Variants in ZNHIT6 observed in about 807,000 individuals in gnomAD.
The protein encoded by ZNHIT6 is box C/D snoRNA protein 1.
ZNHIT6 carries 45 observed loss-of-function variants against 57.2 expected under a neutral mutation model. That is an observed-to-expected ratio of 0.79 (90% CI 0.62 to 1.01). The LOEUF is 1.01. Among genes scored for constraint, ZNHIT6 ranks in the 50% least tolerant of loss-of-function variants. The probability of loss-of-function intolerance (pLI) is 0.00; values close to 1 mark genes in which losing one functional copy is unlikely to be tolerated. For synonymous variants in ZNHIT6, 188 were observed against 190.0 expected (o/e 0.99, Z 0.09); for missense variants, 528 against 567.3 (o/e 0.93, Z 0.70).
rs370448443 is a variant in ZNHIT6 at position 85,649,503 on chromosome 1, A to G, written c.*4555T>C. 2 of 152,186 alleles carry G rather than the reference A, an allele frequency of 1.3e-5. No homozygotes were observed. The highest frequency in any genetic ancestry group is 3.8e-4 in the East Asian group (2 of 5,198). The allele number at this position is 152,186 out of a possible 1,614,324, so 9.4% of individuals were successfully genotyped here. On this transcript the variant is annotated 3_prime_UTR_variant, in exon 10 of 10. Coordinates refer to ENST00000370574, the MANE Select transcript of ZNHIT6 (RefSeq NM_017953.4). ...CAGCTCATCAAATGCTAAAGGATGC[A>G]TTTGGTTCTAAAGTTCAAAATGAGT... is the stretch of plus-strand genomic sequence containing the variant.
chr1:85,678,247 T>C (rs1661762216), intron 7 of ZNHIT6, among the ~76,000 whole-genome samples: 1 of 152,186 alleles, frequency 6.6e-6, no homozygotes. Context: ...CAGGATTTCC[T>C]GTCTTTAAGT....
intron 8 of ZNHIT6, among the ~76,000 whole-genome samples, chr1:85,668,240 A>G (rs1661442425): frequency 1.3e-5 from 2 of 151,988 alleles, no homozygotes; most frequent in Non-Finnish European, 2.9e-5. Context: ...AAATTAAGTT[A>G]TTTTTGAAAA....
rs1484596380 is a variant in ZNHIT6, at chr1:85,677,259, T to G, written c.1224A>C (p.Glu408Asp). The G allele has an allele frequency of 6.2e-7, 1 of 1,608,714 alleles. No individual in the cohort carries two copies. The highest frequency in any genetic ancestry group is 8.5e-7 in the Non-Finnish European group (1 of 1,178,546). Residue 408 changes from glutamate to aspartate, a missense_variant, in exon 8 of 10, where the codon GAA (glutamate) becomes GAC (aspartate). Coordinates refer to ENST00000370574, the MANE Select transcript of ZNHIT6 (RefSeq NM_017953.4). ...QTGVQILMKI[E>D]YMQQNLVRYY... is the part of the protein sequence containing the mutation. ...ACCTTACTAAATTTTGCTGCATATA[T>G]TCAATCTTCATTAAAATCTGAACCC...
chr1:85,680,368 A>G (rs529186836), intron 6 of ZNHIT6, among the ~76,000 whole-genome samples: 151 of 152,308 alleles, frequency 9.9e-4, no homozygotes, highest in Non-Finnish European at 1.7e-3. Context: ...TAATCTTTGC[A>G]TGGTAGAATT....
At chr1:85,704,389 G>A (rs967097203) in intron 4 of ZNHIT6, among the ~76,000 whole-genome samples, 21 of 151,980 alleles carry the variant, frequency 1.4e-4, no homozygotes, top group Middle Eastern at 3.4e-3. Context: ...AAAAAAATGC[G>A]TAAACAAATT....
chr1:85,692,630 C>T (rs1240261536), intron 5 of ZNHIT6, among the ~76,000 whole-genome samples: 1 of 151,850 alleles, frequency 6.6e-6, no homozygotes, highest in African/African-American at 2.4e-5. Context: ...ACTGCTAAAC[C>T]CATCATTTCA....
intron 5 of ZNHIT6, among the ~76,000 whole-genome samples, chr1:85,698,600 T>C (rs896264833): frequency 6.6e-6 from 1 of 152,176 alleles, no homozygotes; most frequent in African/African-American, 2.4e-5. Context: ...ATTTTGACTA[T>C]ATTGCAACTC....
In ZNHIT6 at chr1:85,657,442, A is replaced by G. The variant is rs1661090434; in HGVS notation, c.1372+405T>C. Among the ~76,000 whole-genome samples the G allele has an allele frequency of 2.0e-5, 3 of 149,714 alleles. No individual in the cohort carries two copies. The South Asian group carries it at 6.3e-4, about 32-fold the overall frequency. The stretch of plus-strand genomic sequence containing the variant: ...TTTTTTTTTTTTTTTTAACCATTCA[A>G]CATTTTCATTGTCAACTAAAAATGT... On this transcript the variant is annotated intron_variant, in intron 9 of 9. Transcript: ENST00000370574.
chr1:85,700,778 A>G (rs751928980), intron 5 of ZNHIT6, among the ~76,000 whole-genome samples: 11 of 152,230 alleles, frequency 7.2e-5, no homozygotes, highest in Non-Finnish European at 1.3e-4. Context: ...GCACAAAAGA[A>G]TCATCTCACA....
At chr1:85,660,732 G>A (rs1257651927) in intron 8 of ZNHIT6, among the ~76,000 whole-genome samples, 1 of 152,074 alleles carries the variant, frequency 6.6e-6, no homozygotes, top group East Asian at 1.9e-4. Context: ...TCCTGAAACT[G>A]TAATGATTAT....
intron 8 of ZNHIT6, among the ~76,000 whole-genome samples, chr1:85,659,083 C>T (rs1181853177): frequency 1.3e-5 from 2 of 152,084 alleles, no homozygotes; most frequent in African/African-American, 4.8e-5. Context: ...CTAATTATAA[C>T]TGGTTTCCAG....
chr1:85,666,300 T>C (rs1206904781), intron 8 of ZNHIT6, among the ~76,000 whole-genome samples: 1 of 152,176 alleles, frequency 6.6e-6, no homozygotes, highest in East Asian at 1.9e-4. Flanking sequence ...GTGCCTAACA[T>C]TTAAATTGGT....
chr1:85,671,382 C>T (rs1277281052), intron 8 of ZNHIT6, among the ~76,000 whole-genome samples: 7 of 152,066 alleles, frequency 4.6e-5, no homozygotes, highest in African/African-American at 7.2e-5. Flanking sequence ...TGACCTCAGG[C>T]GTTCAAGGCT....
chr1:85,667,961 A>AAAAAAAAAAAAAAAAAATGT, intron 8 of ZNHIT6, among the ~76,000 whole-genome samples: 1 of 18,202 alleles, frequency 5.5e-5, no homozygotes, highest in African/African-American at 2.1e-4. Flanking sequence ...AAAAAAAAAA[A>AAAAAAAAAAAAAAAAAATGT]ATATATATAT....
At chr1:85,675,624 G>C (rs1661677957) in intron 8 of ZNHIT6, among the ~76,000 whole-genome samples, 1 of 152,174 alleles carries the variant, frequency 6.6e-6, no homozygotes, top group African/African-American at 2.4e-5. Context: ...AAGAGGGTCA[G>C]TCCATCCCTT....
At chr1:85,686,798 G>A (rs1178899955) in intron 5 of ZNHIT6, among the ~76,000 whole-genome samples, 2 of 152,024 alleles carry the variant, frequency 1.3e-5, no homozygotes, top group African/African-American at 2.4e-5. Context: ...TATACTATAA[G>A]GTCCAGAGGT....
chr1:85,659,393 C>T (rs1159182428), intron 8 of ZNHIT6, among the ~76,000 whole-genome samples: 1 of 152,166 alleles, frequency 6.6e-6, no homozygotes, highest in African/African-American at 2.4e-5. Flanking sequence ...GAGAACATGT[C>T]AACCAGTCTA....
At chr1:85,705,667 G>A (rs1662665379) in intron 4 of ZNHIT6, among the ~76,000 whole-genome samples, 2 of 152,080 alleles carry the variant, frequency 1.3e-5, no homozygotes, top group South Asian at 2.1e-4. Flanking sequence ...GGGATAATCT[G>A]CCTCCAAATG....
intron 5 of ZNHIT6, among the ~76,000 whole-genome samples, chr1:85,698,463 T>C (rs1220153072): frequency 6.6e-6 from 1 of 152,128 alleles, no homozygotes; most frequent in Non-Finnish European, 1.5e-5. Flanking sequence ...GGCTTTTACA[T>C]TTAAAACTTT....
Sources: gnomAD v4.1 joint callset for allele counts (sites outside exome capture counted in the v4.1 genomes callset) on GRCh38, gnomAD v4.1.1 for gene constraint, MANE v1.5 for transcripts, NCBI Gene and HGNC (gene_info 2026-07-23, HGNC 2026-07-21) for gene names.